Variants in ANK2 observed in about 807,000 individuals in gnomAD.
ANK2 encodes the protein ankyrin-2.
Under a neutral mutation model 360.5 loss-of-function variants are expected in ANK2, and 83 were observed. That is an observed-to-expected ratio of 0.23 (90% CI 0.19 to 0.28). The LOEUF (loss-of-function observed/expected upper bound fraction) is 0.28. ANK2 is among the 10% of genes least tolerant of loss of function. The pLI, the probability that ANK2 is intolerant of heterozygous loss-of-function variation, is 1.00. For synonymous variants in ANK2, 1,740 were observed against 1,759.5 expected (o/e 0.99, Z 0.28); for missense variants, 4,201 against 4,795.7 (o/e 0.88, Z 3.66).
At chr4:112,828,948 G>A (rs2059063053) in intron 1 of ANK2, among the ~76,000 whole-genome samples, 1 of 152,166 alleles carries the variant, frequency 6.6e-6, no homozygotes, top group Non-Finnish European at 1.5e-5. Context: ...GAGGCCAGGA[G>A]TTTGAGAACA....
intron 1 of ANK2, chr4:112,818,386 G>C (rs2055951580): frequency 6.6e-6 from 1 of 152,226 alleles, no homozygotes; most frequent in Non-Finnish European, 1.5e-5. Flanking sequence ...CTGGGCAGCG[G>C]CGCTTTCCAT....
chr4:112,976,433 A>G (rs1261812620), intron 2 of ANK2, among the ~76,000 whole-genome samples: 1 of 151,978 alleles, frequency 6.6e-6, no homozygotes, highest in African/African-American at 2.4e-5. Context: ...ACCTCATGTG[A>G]TCCTCCCACC....
At chr4:113,037,453 T>A (rs2061858563) in intron 2 of ANK2, among the ~76,000 whole-genome samples, 1 of 151,942 alleles carries the variant, frequency 6.6e-6, no homozygotes, top group Non-Finnish European at 1.5e-5. Flanking sequence ...CTCTAAATGT[T>A]TTTGCAAATT....
the ANK2 span, among the ~76,000 whole-genome samples, chr4:112,808,727 G>T: frequency 1.3e-5 from 2 of 152,180 alleles, no homozygotes; most frequent in Non-Finnish European, 2.9e-5. Context: ...CACTACATAG[G>T]CTATAATGAT....
In ANK2 at chr4:113,355,418, C is replaced by T; in HGVS notation, c.6800C>T (p.Thr2267Ile). ...QTGETKESTK[T>I]ETTTEIRSEK... ...GGGGAAACAAAGGAAAGCACCAAGA[C>T]AGAAACCACCACAGAAATTCGTTCA... Residue 2267 changes from threonine to isoleucine, a missense_variant, in exon 38 of 46, where the codon ACA (threonine) becomes ATA (isoleucine). Around this residue, in one of 4 missense-constraint regions of ANK2, gnomAD observed 2,642 missense variants for 2,714.5 expected, o/e 0.97. Transcript: ENST00000357077. 1 of 1,613,906 alleles carries T rather than the reference C, an allele frequency of 6.2e-7. No homozygotes were observed.
At chr4:112,857,924 G>T (rs2066857950) in intron 1 of ANK2, among the ~76,000 whole-genome samples, 1 of 152,078 alleles carries the variant, frequency 6.6e-6, no homozygotes, top group Non-Finnish European at 1.5e-5. Flanking sequence ...CTGGTCCTAG[G>T]ACCATACTTT....
rs190962461 is a variant in ANK2 at position 113,337,332 on chromosome 4, T to C, written c.3796+551T>C. 8.5e-5 allele frequency among the ~76,000 whole-genome samples: 13 copies of C among 152,336 alleles called. 1 individual carries two copies. In the East Asian group the frequency reaches 2.5e-3, roughly 29 times the overall value. ...AAAGGTTTTCAGTGATTAACTGATT[T>C]TTGGTCTTTTCAATTGTGGTTGTGT... is the stretch of plus-strand genomic sequence containing the variant. On this transcript the variant is annotated intron_variant, in intron 31 of 45. Transcript: ENST00000357077.
At chr4:112,827,497 T>C in intron 1 of ANK2, 1 of 1,301,064 alleles carries the variant, frequency 7.7e-7, no homozygotes, top group South Asian at 1.2e-5. Context: ...CACCAAACAG[T>C]TGCTTCATCT....
chr4:113,031,426 G>C (rs907774498), intron 2 of ANK2: 27 of 152,018 alleles, frequency 1.8e-4, no homozygotes, highest in African/African-American at 6.0e-4. Flanking sequence ...ATGGGCAGAT[G>C]GGCTGACTTC....
In ANK2 at chr4:113,346,015, A is replaced by T. The variant is rs900258950; in HGVS notation, c.4364A>T (p.Tyr1455Phe). 6.2e-7 allele frequency: 1 copy of T among 1,613,390 alleles called. No homozygotes were observed. Among genetic ancestry groups the T allele is most frequent in the African/African-American group, 1.3e-5 (1 of 75,026 alleles). ...ICNLNITLPIYTKESESDQEQ... is the reference protein window; with the variant it reads ...ICNLNITLPIFTKESESDQEQ... The stretch of plus-strand genomic sequence containing the variant: ...AACTTAAACATCACTTTGCCGATTT[A>T]TACAAAGGTATCGTAAAATCTGCTA... The change falls in exon 35 of 46, where the codon TAT (tyrosine) becomes TTT (phenylalanine). Residue 1455 changes from tyrosine to phenylalanine, a missense_variant. This residue lies in a region of ANK2 where 1,268 missense variants were observed against 1,650.8 expected (regional missense o/e 0.77). Coordinates refer to ENST00000357077, the MANE Select transcript of ANK2 (RefSeq NM_001148.6).
chr4:112,916,120 T>G (rs1242226625), intron 2 of ANK2, among the ~76,000 whole-genome samples: 1 of 152,216 alleles, frequency 6.6e-6, no homozygotes, highest in Non-Finnish European at 1.5e-5. Flanking sequence ...GTTTTATAGC[T>G]TAAACAGGAC....
chr4:112,982,229 T>A (rs1011363836), intron 2 of ANK2, among the ~76,000 whole-genome samples: 3 of 152,298 alleles, frequency 2.0e-5, no homozygotes, highest in Middle Eastern at 6.8e-3. Context: ...ACTTTATTTT[T>A]AAAATAAACC....
At chr4:112,716,477 G>A in the ANK2 span, among the ~76,000 whole-genome samples, 123 of 152,180 alleles carry the variant, frequency 8.1e-4, no homozygotes, top group African/African-American at 2.8e-3. Context: ...AGGTGTATAT[G>A]CTATTGTGAA....
chr4:112,752,838 G>T, the ANK2 span, among the ~76,000 whole-genome samples: 1 of 151,814 alleles, frequency 6.6e-6, no homozygotes, highest in South Asian at 2.1e-4. Flanking sequence ...GCTAATTTTT[G>T]TATTTTTTGT....
At chr4:112,719,340 C>T in the ANK2 span, among the ~76,000 whole-genome samples, 1 of 152,106 alleles carries the variant, frequency 6.6e-6, no homozygotes, top group African/African-American at 2.4e-5. Flanking sequence ...GGTGAAAACA[C>T]CTCAGATACA....
At chr4:113,363,257 C>T in intron 39 of ANK2, 81 bp from the exon 40 acceptor site, 3 of 1,411,392 alleles carry the variant, frequency 2.1e-6, no homozygotes, top group Non-Finnish European at 3.0e-6. Flanking sequence ...AAGAACACAT[C>T]ATTTACAAAA....
At chr4:112,741,753 G>A in the ANK2 span, among the ~76,000 whole-genome samples, 2 of 152,134 alleles carry the variant, frequency 1.3e-5, no homozygotes, top group East Asian at 3.9e-4. Context: ...GGCTGAAGTG[G>A]GAAGATTGCT....
chr4:113,086,538 C>T (rs146487122), intron 1 of ANK2, among the ~76,000 whole-genome samples: 19 of 152,258 alleles, frequency 1.2e-4, no homozygotes, highest in African/African-American at 4.6e-4. Context: ...AAGTCCATGC[C>T]CTTGTGGCAA....
chr4:113,373,557 A>G (rs767457611), intron 45 of ANK2, 108 bp downstream of exon 45: 1 of 1,244,704 alleles, frequency 8.0e-7, no homozygotes, highest in Non-Finnish European at 1.2e-6. Flanking sequence ...TCTCCCTTTC[A>G]TGTGGCAGTT....
Sources: allele counts gnomAD v4.1 joint callset (sites outside exome capture counted in the v4.1 genomes callset), GRCh38; gene constraint gnomAD v4.1.1; regional missense constraint gnomAD v4.1.1; transcripts MANE v1.5; gene names NCBI Gene and HGNC (gene_info 2026-07-23, HGNC 2026-07-21).